Variants in MXI1 observed in about 807,000 individuals in gnomAD.
MXI1 encodes max-interacting protein 1.
Under a neutral mutation model 36.9 loss-of-function variants are expected in MXI1, and 18 were observed. The ratio of observed to expected loss-of-function variants is 0.49; its 90% CI spans 0.34 to 0.72. The LOEUF is 0.72. Among genes scored for constraint, MXI1 ranks in the 30% least tolerant of loss-of-function variants. The pLI, the probability that MXI1 is intolerant of heterozygous loss-of-function variation, is 0.01. For missense variants in MXI1, 304 were observed against 379.1 expected (o/e 0.80, Z 1.64); for synonymous variants, 160 against 146.7 (o/e 1.09, Z -0.65).
In MXI1 at chr10:110,207,875, C is replaced by T; in HGVS notation, c.67C>T (p.Pro23Ser). ...CEGAGLAPAAPPAVPPAVAAP... is the reference protein window; with the variant it reads ...CEGAGLAPAASPAVPPAVAAP... ...GGGCGCGGGGCTGGCCCCCGCCGCG[C>T]CCCCGGCTGTGCCCCCCGCCGTGGC... Residue 23 changes from proline (P) to serine (S), a missense_variant, in exon 1 of 6, where the codon CCC (proline) becomes TCC (serine). Physicochemically the swap from Pro to Ser is moderately conservative, Grantham distance 74. Coordinates refer to ENST00000332674, the MANE Select transcript of MXI1 (RefSeq NM_130439.3). 2 of 1,242,394 alleles carry T rather than the reference C, an allele frequency of 1.6e-6. No individual in the cohort carries two copies. The highest frequency in any genetic ancestry group is 2.6e-5 in the South Asian group (1 of 38,690). 77.0% of individuals were successfully genotyped at this position (1,242,394 alleles called of 1,614,324 possible). A position where few individuals can be genotyped will look rare whatever the true frequency, so the allele number is the denominator to read the frequency against.
chr10:110,229,652 G>A (rs1471534759), intron 2 of MXI1, among the ~76,000 whole-genome samples: 1 of 152,080 alleles, frequency 6.6e-6, no homozygotes. Flanking sequence ...TTAACCATAA[G>A]CTTGATGTAC....
intron 2 of MXI1, among the ~76,000 whole-genome samples, chr10:110,243,706 T>G (rs1310616019): frequency 6.6e-6 from 1 of 152,180 alleles, no homozygotes; most frequent in Non-Finnish European, 1.5e-5. Flanking sequence ...GTATAACAAT[T>G]CTAATAGTAG....
Position 110,286,864 on chromosome 10 carries a change from A to G in MXI1, c.*1877A>G, listed in dbSNP as rs889628115. ...AACTGCATGCCTTTAGAAGCCCAGT[A>G]TCAGAACTTGCTACGTTTCAGGTGC... On this transcript the variant is annotated 3_prime_UTR_variant, in exon 6 of 6. Coordinates refer to ENST00000332674, the MANE Select transcript of MXI1 (RefSeq NM_130439.3). The G allele has an allele frequency of 1.4e-4, 21 of 152,254 alleles. No individual in the cohort carries two copies. The highest frequency in any genetic ancestry group is 5.1e-4 in the African/African-American group (21 of 41,476). The allele number at this position is 152,254 out of a possible 1,614,324, so 9.4% of individuals were successfully genotyped here.
At chr10:110,229,689 A>G (rs1855192889) in intron 2 of MXI1, among the ~76,000 whole-genome samples, 1 of 152,046 alleles carries the variant, frequency 6.6e-6, no homozygotes, top group South Asian at 2.1e-4. Context: ...GGGTCTAGAG[A>G]TTTTGTTGTA....
At chr10:110,220,510 G>C (rs560750107) in intron 1 of MXI1, among the ~76,000 whole-genome samples, 1 of 152,280 alleles carries the variant, frequency 6.6e-6, no homozygotes, top group Admixed American at 6.5e-5. Context: ...AGTGTTCAGG[G>C]CCTGGCTAGA....
intron 2 of MXI1, among the ~76,000 whole-genome samples, chr10:110,243,689 G>A (rs144430822): frequency 8.5e-5 from 13 of 152,106 alleles, no homozygotes; most frequent in African/African-American, 3.1e-4. Context: ...TTAATTCTAG[G>A]GAACTAGTAT....
chr10:110,219,325 C>T (rs1262427315), intron 1 of MXI1, among the ~76,000 whole-genome samples: 1 of 152,088 alleles, frequency 6.6e-6, no homozygotes, highest in African/African-American at 2.4e-5. Context: ...AAACAAAAAA[C>T]CCAAAATATA....
At chr10:110,232,915 A>G (rs1007200830) in intron 2 of MXI1, among the ~76,000 whole-genome samples, 3 of 152,236 alleles carry the variant, frequency 2.0e-5, no homozygotes, top group African/African-American at 7.2e-5. Flanking sequence ...TTAATTTTGA[A>G]GAACATTCAG....
In MXI1 at chr10:110,276,491, A is replaced by G. The variant is rs529420724; in HGVS notation, c.438-2689A>G. On this transcript the variant is annotated intron_variant, in intron 3 of 5. Transcript: ENST00000332674. ...TACAAGTCTCCCTCCTCTGATTACAATCTCTCGATTTATTCAGATTCTGTT... is the reference window on the plus strand; with the variant it reads ...TACAAGTCTCCCTCCTCTGATTACAGTCTCTCGATTTATTCAGATTCTGTT... Among the ~76,000 whole-genome samples, 33 of 152,282 alleles carry G rather than the reference A, an allele frequency of 2.2e-4. 1 individual carries two copies. The East Asian group carries it at 5.0e-3, about 23-fold the overall frequency.
intron 3 of MXI1, among the ~76,000 whole-genome samples, chr10:110,265,599 T>C (rs916055010): frequency 6.6e-6 from 1 of 152,168 alleles, no homozygotes; most frequent in African/African-American, 2.4e-5. Context: ...AGACATTGTG[T>C]GCTAGGTAAT....
chr10:110,210,026 C>T (rs1227594776), intron 1 of MXI1, among the ~76,000 whole-genome samples: 1 of 143,848 alleles, frequency 7.0e-6, no homozygotes, highest in South Asian at 2.3e-4. Flanking sequence ...CGGAGACCTC[C>T]CCCTGCCCCA....
At position 110,254,425 on chromosome 10, in the gene MXI1, T is replaced by C. The variant is rs79991834; in HGVS notation, c.437+9568T>C. 4.4e-3 allele frequency among the ~76,000 whole-genome samples: 664 copies of C among 152,222 alleles called. 6 individuals are homozygous for C. Among genetic ancestry groups the C allele is most frequent in the African/African-American group, 0.016 (646 of 41,508 alleles). ...TTATTGTCCCTGAGACACAGCTATA[T>C]TGAAATTAGGCCAATTAATAACCCT... On this transcript the variant is annotated intron_variant, in intron 3 of 5. Coordinates refer to ENST00000332674, the MANE Select transcript of MXI1 (RefSeq NM_130439.3).
chr10:110,212,857 C>T (rs981488238), intron 1 of MXI1, among the ~76,000 whole-genome samples: 4 of 152,210 alleles, frequency 2.6e-5, no homozygotes, highest in African/African-American at 9.7e-5. Context: ...TCTCTACTTG[C>T]TTCCTGTGTG....
intron 5 of MXI1, among the ~76,000 whole-genome samples, chr10:110,281,146 C>T (rs749522020): frequency 2.0e-5 from 3 of 152,094 alleles, no homozygotes; most frequent in Non-Finnish European, 4.4e-5. Flanking sequence ...GAATAATGAA[C>T]TCCTGTATAC....
At chr10:110,240,781 C>T (rs984799733) in intron 2 of MXI1, among the ~76,000 whole-genome samples, 2 of 151,934 alleles carry the variant, frequency 1.3e-5, no homozygotes, top group African/African-American at 4.8e-5. Context: ...ATGCTCTTTT[C>T]ATTGTGTGGA....
At chr10:110,233,607 A>G (rs1855351660) in intron 2 of MXI1, among the ~76,000 whole-genome samples, 2 of 152,284 alleles carry the variant, frequency 1.3e-5, no homozygotes, top group South Asian at 2.1e-4. Context: ...AAAAATGTAG[A>G]TTAGTAGCAG....
intron 5 of MXI1, among the ~76,000 whole-genome samples, chr10:110,282,125 A>G (rs1327567524): frequency 4.6e-5 from 7 of 152,168 alleles, no homozygotes; most frequent in Non-Finnish European, 1.5e-5. Context: ...AGTTTTCCAA[A>G]CAGAGTTGGT....
intron 3 of MXI1, among the ~76,000 whole-genome samples, chr10:110,276,721 TGTTA>T (rs1411380337): frequency 7.2e-5 from 11 of 152,308 alleles, no homozygotes; most frequent in East Asian, 1.9e-4. Flanking sequence ...AATTTTAATA[TGTTA>T]GTTATTTTCA....
At chr10:110,284,681 C>G in intron 5 of MXI1, 143 bp from the exon 6 acceptor site, 1 of 795,692 alleles carries the variant, frequency 1.3e-6, no homozygotes, top group East Asian at 2.9e-5. Context: ...GTCTCTTCAC[C>G]TTGTTCCTCT....
Sources: gnomAD v4.1 joint callset for allele counts (sites outside exome capture counted in the v4.1 genomes callset) on GRCh38, gnomAD v4.1.1 for gene constraint, MANE v1.5 for transcripts, NCBI Gene and HGNC (gene_info 2026-07-23, HGNC 2026-07-21) for gene names.